TMLHE: variants seen among roughly 807,000 people sequenced by gnomAD.
TMLHE encodes the protein trimethyllysine hydroxylase, epsilon.
TMLHE carries 18 observed loss-of-function variants against 25.7 expected under a neutral mutation model. The observed-to-expected ratio is 0.70, with a 90% CI of 0.48 to 1.04. The LOEUF (loss-of-function observed/expected upper bound fraction) is 1.04, where lower values mean the gene tolerates loss of function less well. TMLHE is among the 50% of genes least tolerant of loss of function. The probability of loss-of-function intolerance (pLI) is 0.00; values close to 1 mark genes in which losing one functional copy is unlikely to be tolerated. For missense variants in TMLHE, 236 were observed against 259.0 expected (o/e 0.91, Z 0.61); for synonymous variants, 105 against 97.0 (o/e 1.08, Z -0.49).
In TMLHE at chrX:155,570,902, C is replaced by G. The variant is rs1326599848; in HGVS notation, c.-1-25625G>C. Among the ~76,000 whole-genome samples the G allele has an allele frequency of 1.2e-4, 7 of 57,009 alleles. 3 individuals are homozygous for G. Among genetic ancestry groups the G allele is most frequent in the Non-Finnish European group, 3.2e-4 (7 of 21,909 alleles). The allele number at this position is 57,009 out of a possible 115,157, so 49.5% of individuals were successfully genotyped here. ...GCAGGAAAGATCCAAAATTGACACC[C>G]TAACATCACAATTAAAAGAACTAGA... On this transcript the variant is annotated intron_variant, in intron 1 of 7. Transcript: ENST00000334398.
At chrX:155,504,715 T>C (rs921323833) in intron 6 of TMLHE, among the ~76,000 whole-genome samples, 1 of 111,424 alleles carries the variant, frequency 9.0e-6, no homozygotes, top group Non-Finnish European at 1.9e-5. Flanking sequence ...TGAAAACATA[T>C]TAAAAAAAAC....
chrX:155,513,555 G>A (rs1423147273), intron 4 of TMLHE, among the ~76,000 whole-genome samples: 3 of 111,094 alleles, frequency 2.7e-5, no homozygotes, highest in Admixed American at 1.9e-4. Flanking sequence ...AGGAATCACA[G>A]AAGGTCAAAT....
intron 1 of TMLHE, among the ~76,000 whole-genome samples, chrX:155,590,486 C>CATAATT (rs2067688395): frequency 9.0e-6 from 1 of 111,540 alleles, no homozygotes; most frequent in South Asian, 3.7e-4. Context: ...TTTACAAATT[C>CATAATT]ATAATTATAA....
intron 1 of TMLHE, among the ~76,000 whole-genome samples, chrX:155,555,867 T>G (rs1188369176): frequency 1.2e-4 from 13 of 110,193 alleles, no homozygotes; most frequent in African/African-American, 4.0e-4. Context: ...AGAAGCTCTT[T>G]AGTTTAATTA....
intron 1 of TMLHE, among the ~76,000 whole-genome samples, chrX:155,556,640 C>CCA (rs1397134098): frequency 9.2e-6 from 1 of 109,061 alleles, no homozygotes; most frequent in African/African-American, 3.3e-5. Flanking sequence ...GACCACAGGA[C>CCA]GGAAGCGAAA....
In TMLHE at chrX:155,572,159, G is replaced by A. The variant is rs1205812876; in HGVS notation, c.-1-26882C>T. Among the ~76,000 whole-genome samples, 49 of 55,883 alleles carry A rather than the reference G, an allele frequency of 8.8e-4. 6 individuals are homozygous for A. Among genetic ancestry groups the A allele is most frequent in the African/African-American group, 2.0e-3 (46 of 22,955 alleles). 48.5% of individuals were successfully genotyped at this position (55,883 alleles called of 115,157 possible). ...AAGTCTCAGGATACAAAATCAATGT[G>A]CAAAAATCACAAGCATTCTTATACA... On this transcript the variant is annotated intron_variant, in intron 1 of 7. Transcript: ENST00000334398.
intron 5 of TMLHE, among the ~76,000 whole-genome samples, chrX:155,510,118 ATGGT>A (rs1299131448): frequency 9.0e-6 from 1 of 111,095 alleles, no homozygotes; most frequent in Non-Finnish European, 1.9e-5. Context: ...TCCAAAACTA[ATGGT>A]TAGGCAATAC....
chrX:155,561,763 G>A (rs1432245546), intron 1 of TMLHE, among the ~76,000 whole-genome samples: 1 of 62,514 alleles, frequency 1.6e-5, no homozygotes, highest in East Asian at 7.0e-4. Context: ...CCCCACACAC[G>A]TTCAAAACCC....
At position 155,514,274 on chromosome X, in the gene TMLHE, G is replaced by T. The variant is rs2067137771; in HGVS notation, c.359-9C>A. The T allele has an allele frequency of 5.9e-6, 7 of 1,182,481 alleles. No homozygotes were observed. The highest frequency in any genetic ancestry group is 8.0e-6 in the Non-Finnish European group (7 of 879,895). On this transcript the variant is annotated splice_polypyrimidine_tract_variant and intron_variant, in intron 3 of 7. Transcript: ENST00000334398. ...CACATGACCATCTGGCCCTTTTAAG[G>T]GGAAAAATAAAAGGCACTATAATAA...
chrX:155,534,382 C>T (rs1326258798), intron 2 of TMLHE, among the ~76,000 whole-genome samples: 3 of 110,731 alleles, frequency 2.7e-5, no homozygotes, highest in African/African-American at 9.9e-5. Context: ...TATAGGTGCC[C>T]GCCACCATGC....
rs148067987 is a variant in TMLHE at position 155,610,182 on chromosome X, G to A, written c.-2+2610C>T. Among the ~76,000 whole-genome samples the A allele has an allele frequency of 2.2e-4, 25 of 112,339 alleles. No homozygotes were observed. The East Asian group carries it at 5.0e-3, about 22-fold the overall frequency. ...GATAGACAAAATGTAGTATACTGAT[G>A]CAATGGAATATTACTCAGCTATAAA... On this transcript the variant is annotated intron_variant, in intron 1 of 7. Coordinates refer to ENST00000334398, the MANE Select transcript of TMLHE (RefSeq NM_018196.4).
Position 155,514,015 on chromosome X carries a change from C to T in TMLHE, c.609G>A (p.Glu203=). The T allele has an allele frequency of 1.7e-6, 2 of 1,209,863 alleles. No individual in the cohort carries two copies. The highest frequency in any genetic ancestry group is 2.2e-6 in the Non-Finnish European group (2 of 894,122). ...ENVPPTQEHT[E]KLAERISLIR... The stretch of plus-strand genomic sequence containing the variant: ...TTAAGCTGATCCTTTCTGCCAACTT[C>T]TCTGTGTGCTCTTGAGTGGGAGGGA... The change falls in exon 4 of 8, where the codon GAG becomes GAA. Residue 203 remains glutamate, a synonymous_variant. Transcript: ENST00000334398.
At chrX:155,547,496 C>T (rs1245126597) in intron 1 of TMLHE, among the ~76,000 whole-genome samples, 3 of 111,171 alleles carry the variant, frequency 2.7e-5, no homozygotes, top group African/African-American at 9.8e-5. Flanking sequence ...ATCAGCAGTC[C>T]TAGCCACCAT....
At chrX:155,537,108 A>G (rs2124395661) in intron 2 of TMLHE, among the ~76,000 whole-genome samples, 1 of 111,906 alleles carries the variant, frequency 8.9e-6, no homozygotes, top group South Asian at 3.7e-4. Flanking sequence ...TCATCTATAG[A>G]CACTGGGACA....
chrX:155,505,160 T>C (rs1557332542), intron 6 of TMLHE, among the ~76,000 whole-genome samples: 1 of 111,542 alleles, frequency 9.0e-6, no homozygotes, highest in African/African-American at 3.3e-5. Context: ...GATGAATGAA[T>C]AGATGGGAAG....
At chrX:155,518,570 G>T (rs2067172296) in intron 3 of TMLHE, among the ~76,000 whole-genome samples, 1 of 98,230 alleles carries the variant, frequency 1.0e-5, no homozygotes, top group South Asian at 5.5e-4. Flanking sequence ...TTTTTCTATT[G>T]ATTGGAATAG....
At chrX:155,554,782 T>G (rs2124434805) in intron 1 of TMLHE, among the ~76,000 whole-genome samples, 1 of 110,268 alleles carries the variant, frequency 9.1e-6, no homozygotes, top group South Asian at 3.9e-4. Context: ...ATTATTACAT[T>G]ATGTATATGG....
intron 1 of TMLHE, among the ~76,000 whole-genome samples, chrX:155,595,780 G>T (rs782801458): frequency 8.9e-6 from 1 of 111,963 alleles, no homozygotes; most frequent in African/African-American, 3.2e-5. Flanking sequence ...GAGGAAAACT[G>T]AAGTGATTAT....
chrX:155,525,802 C>A (rs2067216518), intron 2 of TMLHE, among the ~76,000 whole-genome samples: 1 of 112,099 alleles, frequency 8.9e-6, no homozygotes, highest in Admixed American at 9.4e-5. Flanking sequence ...TGTGCCCCTG[C>A]TCTAGGGATT....
Sources: gnomAD v4.1 joint callset for allele counts (sites outside exome capture counted in the v4.1 genomes callset) on GRCh38, gnomAD v4.1.1 for gene constraint, MANE v1.5 for transcripts, NCBI Gene and HGNC (gene_info 2026-07-23, HGNC 2026-07-21) for gene names.